Variants in RXFP1 observed in about 807,000 individuals in gnomAD.
RXFP1 encodes relaxin family peptide receptor 1, also known as relaxin receptor 1.
RXFP1 carries 73 observed loss-of-function variants against 89.8 expected under a neutral mutation model. That is an observed-to-expected ratio of 0.81 (90% CI 0.67 to 0.99). RXFP1 has a LOEUF of 0.99. RXFP1 is among the 50% of genes least tolerant of loss of function. RXFP1 has a pLI of 0.00. For synonymous variants in RXFP1, 277 were observed against 305.5 expected, an observed-to-expected ratio of 0.91 and a Z score of 0.97; for missense variants, 793 against 895.5, an observed-to-expected ratio of 0.89 and a Z score of 1.46.
intron 9 of RXFP1, among the ~76,000 whole-genome samples, chr4:158,626,139 G>GATAA (rs1766730564): frequency 6.7e-6 from 1 of 148,678 alleles, no homozygotes; most frequent in Non-Finnish European, 1.5e-5. Flanking sequence ...TAGATAGATA[G>GATAA]ATAGATAGAT....
At chr4:158,527,547 C>G (rs1235633249) in intron 1 of RXFP1, among the ~76,000 whole-genome samples, 5 of 23,516 alleles carry the variant, frequency 2.1e-4, no homozygotes, top group African/African-American at 4.1e-4. Flanking sequence ...CCATCTCCCC[C>G]GCTCCAAAAA....
chr4:158,648,614 G>C lies in RXFP1; in HGVS notation c.1872G>C (p.Met624Ile), dbSNP rs1296801421. Residue 624 changes from methionine to isoleucine, a missense_variant, in exon 17 of 18, where the codon ATG becomes ATC. By Grantham distance (10) the Met-to-Ile change is conservative. Transcript: ENST00000307765. ...TACGGAATCAAGTTAAAAAAGAGATGATCCTTGCCAAACGTTTTTTCTTTA... is the reference window on the plus strand; with the variant it reads ...TACGGAATCAAGTTAAAAAAGAGATCATCCTTGCCAAACGTTTTTTCTTTA... ...TEIRNQVKKEMILAKRFFFIV... is the reference protein window; with the variant it reads ...TEIRNQVKKEIILAKRFFFIV... The C allele has an allele frequency of 6.2e-7, 1 of 1,613,100 alleles. No individual in the cohort carries two copies. Among genetic ancestry groups the C allele is most frequent in the Non-Finnish European group, 8.5e-7 (1 of 1,179,330 alleles).
intron 2 of RXFP1, among the ~76,000 whole-genome samples, chr4:158,573,318 C>T (rs1755528550): frequency 6.6e-6 from 1 of 152,124 alleles, no homozygotes; most frequent in African/African-American, 2.4e-5. Context: ...TTAATATCCA[C>T]TCGTTTCCAT....
In RXFP1 at chr4:158,617,303, G is replaced by A. The variant is rs1470437128; in HGVS notation, c.755+98G>A. The A allele has an allele frequency of 3.3e-6, 3 of 897,096 alleles. 1 individual carries two copies. The highest frequency in any genetic ancestry group is 4.4e-4 in the Middle Eastern group (2 of 4,552). The allele number at this position is 897,096 out of a possible 1,614,324, so 55.6% of individuals were successfully genotyped here. ...GATTGTTTTAGTTTTTCTTAAAAAT[G>A]ATAAGGGTTTTAGTATCATATCACA... On this transcript the variant is annotated intron_variant, in intron 9 of 17. Coordinates refer to ENST00000307765, the MANE Select transcript of RXFP1 (RefSeq NM_021634.4).
At chr4:158,622,860 T>C (rs930760356) in intron 9 of RXFP1, among the ~76,000 whole-genome samples, 4 of 152,196 alleles carry the variant, frequency 2.6e-5, no homozygotes, top group African/African-American at 9.6e-5. Flanking sequence ...CAGGCACTCT[T>C]ACCATAAAAG....
In RXFP1 at chr4:158,652,177, A is replaced by G; in HGVS notation, c.*122A>G. 1.3e-6 allele frequency: 1 copy of G among 779,802 alleles called. No individual in the cohort carries two copies. Among genetic ancestry groups the G allele is most frequent in the Non-Finnish European group, 1.9e-6 (1 of 523,120 alleles). The allele number at this position is 779,802 out of a possible 1,614,324, so 48.3% of individuals were successfully genotyped here. On this transcript the variant is annotated 3_prime_UTR_variant, in exon 18 of 18. Transcript: ENST00000307765. ...TAATAGCTAAGATAAATATTTTACAAGGACATGAGGAAAAATAAAAATGAC... is the reference window on the plus strand; with the variant it reads ...TAATAGCTAAGATAAATATTTTACAGGGACATGAGGAAAAATAAAAATGAC...
chr4:158,595,478 G>A (rs1760371318), intron 3 of RXFP1, among the ~76,000 whole-genome samples: 1 of 152,048 alleles, frequency 6.6e-6, no homozygotes, highest in Non-Finnish European at 1.5e-5. Context: ...AATAGGTAAT[G>A]GCCACATATT....
intron 1 of RXFP1, among the ~76,000 whole-genome samples, chr4:158,522,285 G>A (rs1465440676): frequency 6.6e-6 from 1 of 152,096 alleles, no homozygotes; most frequent in Non-Finnish European, 1.5e-5. Context: ...TCATATAATT[G>A]ATATTTTAAG....
At chr4:158,633,220 A>T (rs1422096800) in intron 11 of RXFP1, among the ~76,000 whole-genome samples, 185 bp from the exon 12 acceptor site, 1 of 152,160 alleles carries the variant, frequency 6.6e-6, no homozygotes, top group African/African-American at 2.4e-5. Context: ...GGGGATGATG[A>T]AATGGAATAA....
rs1329156514 is a variant in RXFP1 at position 158,644,892 on chromosome 4, T to C, written c.1116-17T>C. 3.9e-6 allele frequency: 6 copies of C among 1,548,862 alleles called. No homozygotes were observed. Among genetic ancestry groups the C allele is most frequent in the Non-Finnish European group, 5.3e-6 (6 of 1,123,834 alleles). On this transcript the variant is annotated splice_polypyrimidine_tract_variant and intron_variant, in intron 14 of 17. Coordinates refer to ENST00000307765, the MANE Select transcript of RXFP1 (RefSeq NM_021634.4). The stretch of plus-strand genomic sequence containing the variant: ...ATTAAATGGAAAATCTTATTTTACT[T>C]TCTCTTTGTACACCAGATATTTTAA...
chr4:158,645,099 G>A lies in RXFP1; in HGVS notation c.1306G>A (p.Glu436Lys). ...VICMRPYIRS[E>K]NKLYAMSIIS... ...TTGCATGCGACCTTATATCAGGTCT[G>A]AGAACAAGCTGTATGCCATGTCAAT... Residue 436 changes from glutamate (E) to lysine (K), a missense_variant, in exon 15 of 18, where the codon GAG becomes AAG. Coordinates refer to ENST00000307765, the MANE Select transcript of RXFP1 (RefSeq NM_021634.4). 1 of 1,614,124 alleles carries A rather than the reference G, an allele frequency of 6.2e-7. No individual in the cohort carries two copies. Among genetic ancestry groups the A allele is most frequent in the Non-Finnish European group, 8.5e-7 (1 of 1,179,956 alleles).
intron 2 of RXFP1, among the ~76,000 whole-genome samples, chr4:158,577,588 A>T (rs959419059): frequency 6.6e-6 from 1 of 152,170 alleles, no homozygotes; most frequent in Admixed American, 6.5e-5. Context: ...TCTTAATTAG[A>T]CCTTTTAAGG....
intron 1 of RXFP1, chr4:158,544,406 A>T: frequency 1.0e-6 from 1 of 971,998 alleles, no homozygotes; most frequent in Non-Finnish European, 1.2e-6. Flanking sequence ...TCATAGAGGA[A>T]GTAAGTTAGA....
chr4:158,542,297 C>T (rs1206385307), intron 1 of RXFP1, among the ~76,000 whole-genome samples: 1 of 150,812 alleles, frequency 6.6e-6, no homozygotes. Flanking sequence ...ATTCAGCGGC[C>T]GCAGCTGTAT....
chr4:158,638,754 C>T (rs1769732310), intron 13 of RXFP1, among the ~76,000 whole-genome samples: 1 of 145,302 alleles, frequency 6.9e-6, no homozygotes, highest in Non-Finnish European at 1.5e-5. Context: ...GTTGAGGCTG[C>T]AGTAAGCCCT....
intron 3 of RXFP1, among the ~76,000 whole-genome samples, chr4:158,596,264 A>AT (rs1760570681): frequency 1.2e-5 from 1 of 86,926 alleles, no homozygotes; most frequent in East Asian, 4.9e-4. Flanking sequence ...TTTATTTCTT[A>AT]ATTTTTTTTT....
chr4:158,552,537 T>C (rs944458229), intron 1 of RXFP1, among the ~76,000 whole-genome samples: 2 of 152,176 alleles, frequency 1.3e-5, no homozygotes, highest in East Asian at 1.9e-4. Context: ...CGTCTTGTTT[T>C]AGGCCCTCAT....
chr4:158,561,818 G>A (rs1292362933), intron 1 of RXFP1, among the ~76,000 whole-genome samples: 1 of 151,802 alleles, frequency 6.6e-6, no homozygotes, highest in Admixed American at 6.6e-5. Context: ...AGTAGGGACA[G>A]GGTTTCACCA....
chr4:158,544,610 C>G (rs1409417145), intron 1 of RXFP1, among the ~76,000 whole-genome samples: 1 of 151,930 alleles, frequency 6.6e-6, no homozygotes, highest in African/African-American at 2.4e-5. Flanking sequence ...CCCCTACCCC[C>G]CAACAGTCCC....
Sources: gnomAD v4.1 joint callset for allele counts (sites outside exome capture counted in the v4.1 genomes callset) on GRCh38, gnomAD v4.1.1 for gene constraint, MANE v1.5 for transcripts, NCBI Gene and HGNC (gene_info 2026-07-23, HGNC 2026-07-21) for gene names.